HSF2BP: variants seen among roughly 807,000 people sequenced by gnomAD.
HSF2BP encodes heat shock factor 2-binding protein.
In HSF2BP, 35 loss-of-function variants were observed where a neutral mutation model predicts 35.0. The ratio of observed to expected loss-of-function variants is 1.00; its 90% CI spans 0.76 to 1.32. HSF2BP has a LOEUF of 1.32. Among genes scored for constraint, HSF2BP ranks in the 40% most tolerant of loss-of-function variants. The pLI is 0.00. For missense variants in HSF2BP, 326 were observed against 321.7 expected (o/e 1.01, Z -0.10); for synonymous variants, 114 against 117.4 (o/e 0.97, Z 0.18).
At chr21:43,458,285 G>A in the HSF2BP span, among the ~76,000 whole-genome samples, 1 of 12,190 alleles carries the variant, frequency 8.2e-5, no homozygotes, top group African/African-American at 3.3e-4. Context: ...AAAACGCCCT[G>A]TGAGCTCTCC....
In HSF2BP at chr21:43,659,432, C is replaced by G. The variant is rs1353877090; in HGVS notation, c.-271G>C. ...TTTGGCAACCGAAAGGCAGCGCCGGCGCCACGTGCACACGGGCTGGGCCGC... is the reference window on the plus strand; with the variant it reads ...TTTGGCAACCGAAAGGCAGCGCCGGGGCCACGTGCACACGGGCTGGGCCGC... On this transcript the variant is annotated 5_prime_UTR_variant, in exon 1 of 9. Transcript: ENST00000291560. The surrounding 1 kb of genome is among the most constrained non-coding windows in gnomAD (Gnocchi z 4.2). The G allele has an allele frequency of 7.9e-6, 2 of 252,162 alleles. No homozygotes were observed. The highest frequency in any genetic ancestry group is 1.4e-5 in the Non-Finnish European group (2 of 139,680). The allele number at this position is 252,162 out of a possible 1,614,324, so 15.6% of individuals were successfully genotyped here.
rs770855952 is a variant in HSF2BP, at chr21:43,595,726, A to ATTTTTTTTTTTTTTTTTTTTTTTTTTT, written c.693-3425_693-3399dup. Among the ~76,000 whole-genome samples the ATTTTTTTTTTTTTTTTTTTTTTTTTTT allele has an allele frequency of 2.1e-4, 12 of 58,446 alleles. 4 individuals carry two copies. Among genetic ancestry groups the ATTTTTTTTTTTTTTTTTTTTTTTTTTT allele is most frequent in the Non-Finnish European group, 2.8e-4 (9 of 32,406 alleles). 38.3% of individuals were successfully genotyped at this position (58,446 alleles called of 152,430 possible). On this transcript the variant is annotated intron_variant, in intron 7 of 8. Coordinates refer to ENST00000291560, the MANE Select transcript of HSF2BP (RefSeq NM_007031.2). ...AGCATCTTTAAAAATTAAGAGGCTA[A>ATTTTTTTTTTTTTTTTTTTTTTTTTTT]TTTTTTTTTTTTTTTTTTTTTTTTT... is the stretch of plus-strand genomic sequence containing the variant.
At chr21:43,633,537 A>G in intron 4 of HSF2BP, 116 bp from the exon 5 acceptor site, 1 of 953,308 alleles carries the variant, frequency 1.0e-6, no homozygotes. Context: ...AATTATAGAA[A>G]ATAGTTGCAA....
chr21:43,475,865 C>T, the HSF2BP span: 1 of 67,610 alleles, frequency 1.5e-5, no homozygotes, highest in Non-Finnish European at 2.7e-5. Flanking sequence ...AAAATACACA[C>T]ACAGACACAT....
At chr21:43,654,747 T>C (rs1220847732) in intron 3 of HSF2BP, among the ~76,000 whole-genome samples, 2 of 152,166 alleles carry the variant, frequency 1.3e-5, no homozygotes, top group East Asian at 3.9e-4. Flanking sequence ...AGTTCTGGGC[T>C]AGAGAGTAAA....
the HSF2BP span, chr21:43,467,409 A>T: frequency 1.3e-5 from 1 of 75,656 alleles, no homozygotes; most frequent in Non-Finnish European, 2.6e-5. Context: ...CTGACTGCTC[A>T]GGGACAGACA....
At chr21:43,573,800 G>A (rs1312460843) in intron 8 of HSF2BP, among the ~76,000 whole-genome samples, 1 of 152,158 alleles carries the variant, frequency 6.6e-6, no homozygotes, top group Non-Finnish European at 1.5e-5. Flanking sequence ...TGTGCTGGGG[G>A]AGGGTGACAC....
intron 4 of HSF2BP, among the ~76,000 whole-genome samples, chr21:43,642,305 G>A (rs953115076): frequency 2.6e-5 from 4 of 151,890 alleles, no homozygotes; most frequent in African/African-American, 9.7e-5. Flanking sequence ...CGAAGCTACT[G>A]CAACTATTAT....
intron 7 of HSF2BP, among the ~76,000 whole-genome samples, chr21:43,604,095 A>C (rs2082083884): frequency 6.6e-6 from 1 of 152,028 alleles, no homozygotes; most frequent in African/African-American, 2.4e-5. Context: ...ACAAAAGGCT[A>C]AACAGGAGCC....
intron 1 of HSF2BP, among the ~76,000 whole-genome samples, chr21:43,658,959 C>T (rs1033263290): frequency 1.3e-5 from 2 of 152,224 alleles, no homozygotes; most frequent in African/African-American, 4.8e-5. Flanking sequence ...ACGGAGATCG[C>T]AGGTAAGCTG....
chr21:43,602,853 AC>A, intron 7 of HSF2BP, among the ~76,000 whole-genome samples: 1 of 152,178 alleles, frequency 6.6e-6, no homozygotes, highest in East Asian at 1.9e-4. Flanking sequence ...GGTAGCTCCC[AC>A]CCCAGAGGCC....
At chr21:43,621,108 C>A (rs1453050893) in intron 6 of HSF2BP, among the ~76,000 whole-genome samples, 5 of 152,180 alleles carry the variant, frequency 3.3e-5, no homozygotes, top group African/African-American at 1.2e-4. Context: ...GAGTGTACCC[C>A]AAGGTATATA....
At chr21:43,595,789 A>C (rs1045733905) in intron 7 of HSF2BP, among the ~76,000 whole-genome samples, 2 of 107,896 alleles carry the variant, frequency 1.9e-5, no homozygotes, top group African/African-American at 7.2e-5. Flanking sequence ...CAGTGGCGCC[A>C]TCTCGGCTCA....
chr21:43,644,685 T>C (rs1023797434), intron 3 of HSF2BP, among the ~76,000 whole-genome samples: 1 of 152,212 alleles, frequency 6.6e-6, no homozygotes, highest in Non-Finnish European at 1.5e-5. Flanking sequence ...AGAAAACATG[T>C]TATTTAAAGG....
chr21:43,579,278 G>A (rs917487106), intron 8 of HSF2BP, among the ~76,000 whole-genome samples: 4 of 152,140 alleles, frequency 2.6e-5, no homozygotes, highest in African/African-American at 4.8e-5. Context: ...AACATTCGAC[G>A]ACATCTTTTC....
At position 43,613,875 on chromosome 21, in the gene HSF2BP, T is replaced by C. The variant is rs140387711; in HGVS notation, c.647A>G (p.Gln216Arg). 2.5e-6 allele frequency: 4 copies of C among 1,613,890 alleles called. No individual in the cohort carries two copies. Among genetic ancestry groups the C allele is most frequent in the Non-Finnish European group, 3.4e-6 (4 of 1,179,954 alleles). ...TCCTGGCTTCAAGTCTCCCAGAAGCTGCAATATGGTGTCCAAGAGCACCCG... is the reference window on the plus strand; with the variant it reads ...TCCTGGCTTCAAGTCTCCCAGAAGCCGCAATATGGTGTCCAAGAGCACCCG... ...SSRVLLDTILQLLGDLKPGQC... is the reference protein window; with the variant it reads ...SSRVLLDTILRLLGDLKPGQC... The change falls in exon 7 of 9, where the codon CAG becomes CGG. Residue 216 changes from glutamine to arginine, a missense_variant. Physicochemically the swap from Gln to Arg is conservative, Grantham distance 43. Coordinates refer to ENST00000291560, the MANE Select transcript of HSF2BP (RefSeq NM_007031.2).
intron 7 of HSF2BP, among the ~76,000 whole-genome samples, chr21:43,606,361 G>A (rs1480127237): frequency 6.6e-6 from 1 of 152,208 alleles, no homozygotes; most frequent in Non-Finnish European, 1.5e-5. Context: ...AAAGCATCAG[G>A]AAATGTGATG....
At chr21:43,601,765 T>C (rs1052082830) in intron 7 of HSF2BP, among the ~76,000 whole-genome samples, 1 of 152,196 alleles carries the variant, frequency 6.6e-6, no homozygotes, top group African/African-American at 2.4e-5. Context: ...TATCTGGAAA[T>C]GATGAGGACT....
Position 43,658,234 on chromosome 21 carries a change from A to G in HSF2BP, c.-138T>C, listed in dbSNP as rs2082908144. ...GGCCCAAACCTCCCAGAATTTGCGC[A>G]GTATTCTCGGCCTAGAGAGCGAGGA... On this transcript the variant is annotated 5_prime_UTR_variant, in exon 2 of 9. Transcript: ENST00000291560. 2.9e-6 allele frequency: 3 copies of G among 1,026,378 alleles called. No individual in the cohort carries two copies. The highest frequency in any genetic ancestry group is 3.4e-5 in the South Asian group (2 of 58,304). The allele number at this position is 1,026,378 out of a possible 1,614,324, so 63.6% of individuals were successfully genotyped here. A position where few individuals can be genotyped will look rare whatever the true frequency, so the allele number is the denominator to read the frequency against.
Sources: allele counts gnomAD v4.1 joint callset (sites outside exome capture counted in the v4.1 genomes callset), GRCh38; gene constraint gnomAD v4.1.1; non-coding constraint Gnocchi (gnomAD v3.1); transcripts MANE v1.5; gene names NCBI Gene and HGNC (gene_info 2026-07-23, HGNC 2026-07-21).